The following PCDHGA2 variants were observed in gnomAD, a reference collection of about 807,000 sequenced individuals.
PCDHGA2 encodes the protein protocadherin gamma subfamily A, 2.
PCDHGA2 carries 40 observed loss-of-function variants against 59.2 expected under a neutral mutation model. The observed-to-expected ratio is 0.68, with a 90% CI of 0.52 to 0.88. The LOEUF is 0.88. PCDHGA2 is among the 40% of genes least tolerant of loss of function. The probability of loss-of-function intolerance (pLI) is 0.00; values close to 1 mark genes in which losing one functional copy is unlikely to be tolerated. For synonymous variants in PCDHGA2, 560 were observed against 526.0 expected, an observed-to-expected ratio of 1.06 and a Z score of -0.89; for missense variants, 1,226 against 1,204.0, an observed-to-expected ratio of 1.02 and a Z score of -0.27.
In PCDHGA2 at chr5:141,423,130, G is replaced by A. The variant is rs770258338; in HGVS notation, c.2425-71677G>A. On this transcript the variant is annotated intron_variant, in intron 1 of 3. Coordinates refer to ENST00000394576, the MANE Select transcript of PCDHGA2 (RefSeq NM_018915.4). The stretch of plus-strand genomic sequence containing the variant: ...GGTGCGTACAGCGCGGGCACTGCTG[G>A]ACAGAGACGCGCTCAAGCAGAGCCT... The A allele has an allele frequency of 9.3e-6, 15 of 1,613,582 alleles. No individual in the cohort carries two copies. Among genetic ancestry groups the A allele is most frequent in the Middle Eastern group, 1.6e-4 (1 of 6,072 alleles).
At chr5:141,374,589 G>A (rs1385892757) in intron 1 of PCDHGA2, 1 of 1,613,676 alleles carries the variant, frequency 6.2e-7, no homozygotes, top group Non-Finnish European at 8.5e-7. Context: ...TCCCTTCAGG[G>A]ATTTAAGCTC....
At chr5:141,376,087 C>T in intron 1 of PCDHGA2, 3 of 1,613,656 alleles carry the variant, frequency 1.9e-6, no homozygotes, top group Non-Finnish European at 2.5e-6. Flanking sequence ...CCGACAGGAT[C>T]CCCGACATCC....
chr5:141,377,025 A>T (rs1378221523), intron 1 of PCDHGA2: 1 of 154,760 alleles, frequency 6.5e-6, no homozygotes, highest in Non-Finnish European at 1.4e-5. Context: ...AAAATTCAAG[A>T]TTGTCTTTGA....
intron 1 of PCDHGA2, chr5:141,372,797 C>A (rs1216879551): frequency 3.1e-6 from 5 of 1,597,434 alleles, no homozygotes; most frequent in Non-Finnish European, 3.4e-6. Context: ...CTAATTCAGG[C>A]AATTTGCAAA....
chr5:141,476,711 G>C lies in PCDHGA2; in HGVS notation c.2425-18096G>C. 1 of 1,614,194 alleles carries C rather than the reference G, an allele frequency of 6.2e-7. No individual in the cohort carries two copies. The highest frequency in any genetic ancestry group is 8.5e-7 in the Non-Finnish European group (1 of 1,180,042). On this transcript the variant is annotated intron_variant, in intron 1 of 3. Coordinates refer to ENST00000394576, the MANE Select transcript of PCDHGA2 (RefSeq NM_018915.4). This position sits in a 1 kb window ranked among gnomAD's most constrained non-coding sequence, Gnocchi z 7.6. ...CACCAAGTACGCGGAGCTGGTGTTG[G>C]AGCGCGCCCTGGACCGAGAACGGGA...
chr5:141,421,051 A>G (rs1330155141), intron 1 of PCDHGA2: 8 of 559,830 alleles, frequency 1.4e-5, no homozygotes, highest in South Asian at 2.6e-5. Flanking sequence ...CCCCGCCTCT[A>G]CCACACAAAG....
chr5:141,404,908 C>T, intron 1 of PCDHGA2: 1 of 1,613,882 alleles, frequency 6.2e-7, no homozygotes, highest in Non-Finnish European at 8.5e-7. Context: ...ATGGCCAGCC[C>T]CCTCTCTCGG....
In PCDHGA2 at chr5:141,399,908, C is replaced by T. The variant is rs141997055; in HGVS notation, c.2424+58513C>T. 17,269 of 1,612,412 alleles carry T rather than the reference C, an allele frequency of 0.011. 105 individuals are homozygous for T. Among genetic ancestry groups the T allele is most frequent in the Non-Finnish European group, 0.012 (14,309 of 1,179,754 alleles). On this transcript the variant is annotated intron_variant, in intron 1 of 3. Transcript: ENST00000394576. ...AAGGTAGTGGCCGTGGACGCAGACT[C>T]AGGACACAACGCCTGGCTGTCCTAC... is the stretch of plus-strand genomic sequence containing the variant.
intron 1 of PCDHGA2, chr5:141,398,960 C>A (rs779158655): frequency 3.1e-6 from 5 of 1,613,986 alleles, no homozygotes. Flanking sequence ...TCAGAAATTA[C>A]TTATTCCTTC....
rs2154581798 is a variant in PCDHGA2, at chr5:141,489,799, G to T, written c.2425-5008G>T. 1 of 1,614,192 alleles carries T rather than the reference G, an allele frequency of 6.2e-7. No homozygotes were observed. The highest frequency in any genetic ancestry group is 2.2e-5 in the East Asian group (1 of 44,884). On this transcript the variant is annotated intron_variant, in intron 1 of 3. Coordinates refer to ENST00000394576, the MANE Select transcript of PCDHGA2 (RefSeq NM_018915.4). The surrounding 1 kb of genome is among the most constrained non-coding windows in gnomAD (Gnocchi z 4.5). Reference sequence around the variant, plus strand: ...CTCTCTGAATGTGAAGACCCTAAAAGATGGGAAGCCATTCCCAGAGCTGGT... The same window carrying T: ...CTCTCTGAATGTGAAGACCCTAAAATATGGGAAGCCATTCCCAGAGCTGGT...
intron 1 of PCDHGA2, chr5:141,357,272 T>A (rs1760529630): frequency 6.2e-7 from 1 of 1,613,654 alleles, no homozygotes; most frequent in Admixed American, 1.7e-5. Context: ...GGCCTCACAC[T>A]CTATCTCGTG....
intron 1 of PCDHGA2, chr5:141,379,535 GGAAA>G (rs1209928987): frequency 6.6e-6 from 1 of 152,098 alleles, no homozygotes; most frequent in Non-Finnish European, 1.5e-5. Flanking sequence ...GTTGTTATAG[GGAAA>G]GCTCACTAAC....
At chr5:141,410,319 C>A in intron 1 of PCDHGA2, 2 of 1,614,018 alleles carry the variant, frequency 1.2e-6, no homozygotes, top group Admixed American at 1.7e-5. Flanking sequence ...TTCCTCCTCG[C>A]CGTGATTCTG....
At chr5:141,410,849 CTTTTTTTTTTTT>C (rs759346998) in intron 1 of PCDHGA2, 1 of 129,786 alleles carries the variant, frequency 7.7e-6, no homozygotes, top group East Asian at 2.3e-4. Flanking sequence ...TTGTCTTTGT[CTTTTTTTTTTTT>C]TTTTTTTTTT....
chr5:141,446,936 C>G (rs935365668), intron 1 of PCDHGA2, among the ~76,000 whole-genome samples: 3 of 152,176 alleles, frequency 2.0e-5, no homozygotes, highest in African/African-American at 7.2e-5. Context: ...CTCTTTTTCA[C>G]TGTAAGAAAC....
At chr5:141,419,781 G>C (rs1331740421) in intron 1 of PCDHGA2, 1 of 1,614,032 alleles carries the variant, frequency 6.2e-7, no homozygotes. Context: ...GTCCGCCAGC[G>C]CCTGCTAGTC....
intron 1 of PCDHGA2, chr5:141,399,723 C>T: frequency 6.2e-7 from 1 of 1,613,322 alleles, no homozygotes; most frequent in Non-Finnish European, 8.5e-7. Flanking sequence ...AGGCCCGCGA[C>T]CAGGGCTCGC....
chr5:141,408,061 G>C, intron 1 of PCDHGA2: 1 of 1,332,898 alleles, frequency 7.5e-7, no homozygotes, highest in Non-Finnish European at 1.0e-6. Flanking sequence ...CCTCCCGGCT[G>C]CGCAGACCTT....
In PCDHGA2 at chr5:141,359,947, C is replaced by G. The variant is rs903366746; in HGVS notation, c.2424+18552C>G. The G allele has an allele frequency of 9.4e-6, 5 of 532,132 alleles. No homozygotes were observed. The African/African-American group carries it at 9.7e-5, about 10-fold the overall frequency. The allele number at this position is 532,132 out of a possible 1,614,324, so 33.0% of individuals were successfully genotyped here. ...AAAACCTCTGAGCGTCGCTGTTGGT[C>G]AAAAGAACGAAGAGAAGCGTTTGGG... On this transcript the variant is annotated intron_variant, in intron 1 of 3. Coordinates refer to ENST00000394576, the MANE Select transcript of PCDHGA2 (RefSeq NM_018915.4).
Sources: allele counts gnomAD v4.1 joint callset (sites outside exome capture counted in the v4.1 genomes callset), GRCh38; gene constraint gnomAD v4.1.1; non-coding constraint Gnocchi (gnomAD v3.1); transcripts MANE v1.5; gene names NCBI Gene and HGNC (gene_info 2026-07-23, HGNC 2026-07-21).